IMMP2L: variants seen among roughly 807,000 people sequenced by gnomAD.
IMMP2L encodes the protein mitochondrial inner membrane protease subunit 2.
IMMP2L carries 18 observed loss-of-function variants against 19.3 expected under a neutral mutation model. The ratio of observed to expected loss-of-function variants is 0.93; its 90% CI spans 0.64 to 1.38. The LOEUF (loss-of-function observed/expected upper bound fraction) is 1.38. IMMP2L is among the 40% of genes most tolerant of loss of function. The pLI is 0.00. For synonymous variants in IMMP2L, 76 were observed against 73.0 expected (o/e 1.04, Z -0.21); for missense variants, 233 against 218.2 (o/e 1.07, Z -0.43).
intron 5 of IMMP2L, among the ~76,000 whole-genome samples, chr7:110,841,926 G>T (rs1023291476): frequency 1.3e-5 from 2 of 151,938 alleles, no homozygotes; most frequent in Admixed American, 1.3e-4. Context: ...ATAAACACTG[G>T]GTCAATAAAT....
At chr7:111,158,295 T>C (rs1022064240) in intron 3 of IMMP2L, among the ~76,000 whole-genome samples, 2 of 152,060 alleles carry the variant, frequency 1.3e-5, no homozygotes, top group African/African-American at 4.8e-5. Context: ...TAGATATAGA[T>C]ACACATATAG....
chr7:111,419,003 AAT>A (rs1835218342), intron 3 of IMMP2L, among the ~76,000 whole-genome samples: 2 of 151,846 alleles, frequency 1.3e-5, no homozygotes, highest in Admixed American at 1.3e-4. Context: ...CTCAGCCTGA[AAT>A]TACATCAAAT....
At chr7:110,872,447 C>T (rs1726824667) in intron 5 of IMMP2L, among the ~76,000 whole-genome samples, 2 of 152,220 alleles carry the variant, frequency 1.3e-5, no homozygotes, top group African/African-American at 4.8e-5. Flanking sequence ...TATTATATGA[C>T]ATTGTTGTCT....
intron 3 of IMMP2L, among the ~76,000 whole-genome samples, chr7:111,111,928 T>A (rs1799257101): frequency 6.9e-6 from 1 of 145,794 alleles, no homozygotes; most frequent in African/African-American, 2.5e-5. Context: ...TATTTATATA[T>A]ATATATATAG....
intron 3 of IMMP2L, among the ~76,000 whole-genome samples, chr7:110,982,221 T>C (rs1585578506): frequency 1.3e-5 from 2 of 152,158 alleles, no homozygotes; most frequent in East Asian, 3.9e-4. Context: ...ACCTTTGAGC[T>C]GCTGTCCTCC....
intron 3 of IMMP2L, among the ~76,000 whole-genome samples, chr7:111,405,632 A>G (rs886714807): frequency 6.6e-6 from 1 of 152,110 alleles, no homozygotes; most frequent in Admixed American, 6.5e-5. Flanking sequence ...CATAAATGAT[A>G]ACCTAATCAC....
intron 3 of IMMP2L, among the ~76,000 whole-genome samples, chr7:111,451,905 G>A (rs1384434794): frequency 6.6e-6 from 1 of 152,028 alleles, no homozygotes; most frequent in Admixed American, 6.6e-5. Flanking sequence ...GGATTAAGTA[G>A]AAGATAAGAG....
chr7:110,945,121 A>G (rs979218923), intron 4 of IMMP2L, among the ~76,000 whole-genome samples: 1 of 151,932 alleles, frequency 6.6e-6, no homozygotes, highest in Non-Finnish European at 1.5e-5. Context: ...AAGAAAATGC[A>G]AACTATAGGT....
chr7:111,024,044 T>C (rs746066563), intron 3 of IMMP2L, among the ~76,000 whole-genome samples: 1 of 152,166 alleles, frequency 6.6e-6, no homozygotes, highest in Admixed American at 6.5e-5. Flanking sequence ...TGAATAGATC[T>C]GAAATATTGG....
chr7:111,184,245 G>A (rs976582297), intron 3 of IMMP2L, among the ~76,000 whole-genome samples: 3 of 151,816 alleles, frequency 2.0e-5, no homozygotes, highest in African/African-American at 7.3e-5. Flanking sequence ...GGAAAATAAT[G>A]GAAATGAGTC....
intron 4 of IMMP2L, among the ~76,000 whole-genome samples, chr7:110,901,127 T>C (rs80008610): frequency 0.044 from 6,622 of 152,124 alleles, 471 homozygotes; most frequent in African/African-American, 0.15. Context: ...CACTCTACTC[T>C]TCAGCATACT....
chr7:111,554,698 C>T (rs1387838485), intron 1 of IMMP2L, among the ~76,000 whole-genome samples: 3 of 152,110 alleles, frequency 2.0e-5, no homozygotes, highest in Non-Finnish European at 4.4e-5. Context: ...TCTCGGCTCA[C>T]TGCAACCTCC....
In IMMP2L at chr7:110,673,363, A is replaced by C. The variant is rs184718182; in HGVS notation, c.409-9642T>G. On this transcript the variant is annotated intron_variant, in intron 5 of 5. Coordinates refer to ENST00000405709, the MANE Select transcript of IMMP2L (RefSeq NM_032549.4). ...GCCCATGAAACCATTTTTCCCTCCT[A>C]GGCCTCCAGGCCTGTGATGGGAGGG... 3.7e-3 allele frequency among the ~76,000 whole-genome samples: 557 copies of C among 152,218 alleles called. 4 individuals are homozygous for C. The highest frequency in any genetic ancestry group is 0.01 in the Middle Eastern group (3 of 294).
chr7:110,749,496 CA>C (rs1797591629), intron 5 of IMMP2L, among the ~76,000 whole-genome samples: 1 of 152,100 alleles, frequency 6.6e-6, no homozygotes, highest in Non-Finnish European at 1.5e-5. Context: ...GGAACCAACC[CA>C]AATGCCCATC....
chr7:110,908,990 G>C (rs893057554), intron 4 of IMMP2L, among the ~76,000 whole-genome samples: 3 of 152,190 alleles, frequency 2.0e-5, no homozygotes, highest in Admixed American at 6.5e-5. Context: ...GACCATGAGA[G>C]AAAGGTACAG....
intron 5 of IMMP2L, among the ~76,000 whole-genome samples, chr7:110,885,781 G>C (rs1810159257): frequency 6.6e-6 from 1 of 152,020 alleles, no homozygotes; most frequent in Non-Finnish European, 1.5e-5. Flanking sequence ...CCTGAAAGCA[G>C]GAGATACAAT....
Position 111,434,710 on chromosome 7 carries a change from T to C in IMMP2L, c.239+52528A>G, listed in dbSNP as rs967972016. Among the ~76,000 whole-genome samples, 6 of 151,786 alleles carry C rather than the reference T, an allele frequency of 4.0e-5. No individual in the cohort carries two copies. In the East Asian group the frequency reaches 1.2e-3, roughly 29 times the overall value. On this transcript the variant is annotated intron_variant, in intron 3 of 5. Coordinates refer to ENST00000405709, the MANE Select transcript of IMMP2L (RefSeq NM_032549.4). ...CTGGGATTACAGGCGCCTTCCACCA[T>C]GCCCAGCTAATTTTTGTATTTTTAG...
At chr7:110,990,311 T>C in intron 3 of IMMP2L, among the ~76,000 whole-genome samples, 1 of 152,180 alleles carries the variant, frequency 6.6e-6, no homozygotes, top group East Asian at 1.9e-4. Context: ...CCTTCACAAA[T>C]AATCCTAGCC....
At chr7:110,935,157 G>C (rs1815959055) in intron 4 of IMMP2L, among the ~76,000 whole-genome samples, 1 of 152,048 alleles carries the variant, frequency 6.6e-6, no homozygotes, top group Non-Finnish European at 1.5e-5. Context: ...TACATGTTTA[G>C]TGCTTCCTTC....
Sources: gnomAD v4.1 joint callset for allele counts (sites outside exome capture counted in the v4.1 genomes callset) on GRCh38, gnomAD v4.1.1 for gene constraint, MANE v1.5 for transcripts, NCBI Gene and HGNC (gene_info 2026-07-23, HGNC 2026-07-21) for gene names.